Variants in CDC42BPB observed in about 807,000 individuals in gnomAD.
CDC42BPB encodes CDC42 binding protein kinase beta, also known as serine/threonine-protein kinase MRCK beta.
A neutral mutation model predicts 214.9 loss-of-function variants in CDC42BPB; 37 were observed. The ratio of observed to expected loss-of-function variants is 0.17; its 90% CI spans 0.13 to 0.23. The LOEUF is 0.23. CDC42BPB is among the 10% of genes least tolerant of loss of function. The pLI, the probability that CDC42BPB is intolerant of heterozygous loss-of-function variation, is 1.00. For missense variants in CDC42BPB, 1,694 were observed against 2,227.0 expected (o/e 0.76, Z 4.82); for synonymous variants, 931 against 884.0 (o/e 1.05, Z -0.94).
intron 1 of CDC42BPB, among the ~76,000 whole-genome samples, chr14:103,055,811 T>A (rs1187691389): frequency 6.6e-6 from 1 of 152,254 alleles, no homozygotes; most frequent in African/African-American, 2.4e-5. Flanking sequence ...GAGGCCTCAC[T>A]GTGGAACACT....
intron 7 of CDC42BPB, 58 bp from the exon 8 acceptor site, chr14:102,981,079 T>G: frequency 6.2e-7 from 1 of 1,602,274 alleles, no homozygotes; most frequent in Non-Finnish European, 8.5e-7. Flanking sequence ...GAGTTTAAGG[T>G]GTACAGATAT....
At chr14:103,015,422 G>C (rs1442834976) in intron 1 of CDC42BPB, among the ~76,000 whole-genome samples, 3 of 151,850 alleles carry the variant, frequency 2.0e-5, no homozygotes. Flanking sequence ...TGGAGGCAGA[G>C]GCTGCAGTGA....
chr14:102,955,775 GAC>G (rs1892681973), intron 21 of CDC42BPB, among the ~76,000 whole-genome samples: 1 of 152,230 alleles, frequency 6.6e-6, no homozygotes, highest in South Asian at 2.1e-4. Flanking sequence ...AGTGTGATGG[GAC>G]ACAGACATGG....
Position 102,932,593 on chromosome 14 carries a change from G to T in CDC42BPB, c.*1119C>A, listed in dbSNP as rs1041625565. The stretch of plus-strand genomic sequence containing the variant: ...TCAGTGCCGACTTGGGGAAGTGCAC[G>T]TCCTGAACAGCCTTGCCAAGCAGCC... On this transcript the variant is annotated 3_prime_UTR_variant, in exon 37 of 37. Coordinates refer to ENST00000361246, the MANE Select transcript of CDC42BPB (RefSeq NM_006035.4). The T allele has an allele frequency of 6.6e-6, 1 of 152,404 alleles. No homozygotes were observed. Among genetic ancestry groups the T allele is most frequent in the Non-Finnish European group, 1.5e-5 (1 of 68,024 alleles). The allele number at this position is 152,404 out of a possible 1,614,324, so 9.4% of individuals were successfully genotyped here.
At chr14:102,977,809 C>T (rs1212042345) in intron 9 of CDC42BPB, among the ~76,000 whole-genome samples, 2 of 152,186 alleles carry the variant, frequency 1.3e-5, no homozygotes, top group South Asian at 2.1e-4. Flanking sequence ...CCTGTTTCTG[C>T]ACCATCACGA....
chr14:102,938,621 A>G, intron 34 of CDC42BPB: 1 of 931,972 alleles, frequency 1.1e-6, no homozygotes, highest in Non-Finnish European at 1.3e-6. Flanking sequence ...TCCTATAAAA[A>G]GCGTACTTTT....
intron 19 of CDC42BPB, 31 bp from the exon 20 acceptor site, chr14:102,963,186 ACT>A: frequency 6.4e-7 from 1 of 1,565,844 alleles, no homozygotes; most frequent in Admixed American, 1.7e-5. Context: ...CTTTAAGTGC[ACT>A]GAGAAGAGGT....
rs1895131438 is a variant in CDC42BPB, at chr14:103,004,244, C to T, written c.352-221G>A. The T allele has an allele frequency of 2.5e-6, 3 of 1,206,230 alleles. No homozygotes were observed. The highest frequency in any genetic ancestry group is 2.2e-5 in the South Asian group (1 of 45,766). The allele number at this position is 1,206,230 out of a possible 1,614,324, so 74.7% of individuals were successfully genotyped here. ...AGTGCCAAGGGCTGCTGAGGAGGCA[C>T]TTGCACCCTGCTGTCCCACGGGCAC... On this transcript the variant is annotated intron_variant, in intron 3 of 36. Transcript: ENST00000361246. The surrounding 1 kb of genome is among the most constrained non-coding windows in gnomAD (Gnocchi z 5.3).
In CDC42BPB at chr14:102,946,048, G is replaced by A. The variant is rs35910378; in HGVS notation, c.3749-324C>T. On this transcript the variant is annotated intron_variant, in intron 28 of 36. Coordinates refer to ENST00000361246, the MANE Select transcript of CDC42BPB (RefSeq NM_006035.4). ...TTTTGAGACGGAGTCTCGGTCTGTC[G>A]CCCAGGCTGGAGTGCAGTGGTGTGA... 1.6e-3 allele frequency among the ~76,000 whole-genome samples: 241 copies of A among 152,076 alleles called. 2 individuals are homozygous for A. Among genetic ancestry groups the A allele is most frequent in the African/African-American group, 5.3e-3 (221 of 41,480 alleles).
chr14:102,964,870 T>C (rs1213310960), intron 18 of CDC42BPB: 7 of 589,768 alleles, frequency 1.2e-5, no homozygotes, highest in Non-Finnish European at 1.3e-5. Flanking sequence ...AATAATTTAC[T>C]TTATCTTTTA....
chr14:102,992,499 G>A (rs1437726477), intron 5 of CDC42BPB, among the ~76,000 whole-genome samples: 1 of 152,204 alleles, frequency 6.6e-6, no homozygotes, highest in Non-Finnish European at 1.5e-5. Context: ...AGAGGCAGCT[G>A]AGGAGCAGTG....
At chr14:103,052,657 T>C (rs75817380) in intron 1 of CDC42BPB, among the ~76,000 whole-genome samples, 9,698 of 152,192 alleles carry the variant, frequency 0.064, 567 homozygotes, top group African/African-American at 0.16. Context: ...GGATTAATTC[T>C]ATTCATGAAG....
chr14:103,046,075 C>T (rs531073084), intron 1 of CDC42BPB, among the ~76,000 whole-genome samples: 2 of 152,166 alleles, frequency 1.3e-5, no homozygotes, highest in East Asian at 3.9e-4. Context: ...TGAGAAGAGG[C>T]GCTCAGATCT....
At position 103,056,757 on chromosome 14, in the gene CDC42BPB, G is replaced by A. The variant is rs35979467; in HGVS notation, c.175+242C>T. ...CGGGACGATCGAACGCGGATGTCGAGCCTAGGGAGGGCAAGGAGGGATGAA... is the reference window on the plus strand; with the variant it reads ...CGGGACGATCGAACGCGGATGTCGAACCTAGGGAGGGCAAGGAGGGATGAA... On this transcript the variant is annotated intron_variant, in intron 1 of 36. Coordinates refer to ENST00000361246, the MANE Select transcript of CDC42BPB (RefSeq NM_006035.4). Among the ~76,000 whole-genome samples the A allele has an allele frequency of 2.5e-3, 382 of 152,214 alleles. 3 individuals are homozygous for A. Among genetic ancestry groups the A allele is most frequent in the African/African-American group, 9.0e-3 (373 of 41,544 alleles).
intron 1 of CDC42BPB, among the ~76,000 whole-genome samples, chr14:103,039,394 C>T (rs747923624): frequency 2.7e-5 from 4 of 149,836 alleles, no homozygotes; most frequent in Non-Finnish European, 4.4e-5. Context: ...TACTAGCAAA[C>T]GAAATTCACA....
chr14:103,024,594 A>G (rs1886946062), intron 1 of CDC42BPB, among the ~76,000 whole-genome samples: 1 of 152,206 alleles, frequency 6.6e-6, no homozygotes, highest in Admixed American at 6.5e-5. Context: ...GATTAATTCA[A>G]GCTTATAACA....
At chr14:102,940,463 C>G (rs1410425976) in intron 30 of CDC42BPB, 139 bp from the exon 31 acceptor site, 3 of 1,469,624 alleles carry the variant, frequency 2.0e-6, no homozygotes, top group Non-Finnish European at 2.7e-6. Flanking sequence ...TCACCAAAGA[C>G]TTCATGTTCC....
Position 102,965,388 on chromosome 14 carries a change from TAAAAAAAA to T in CDC42BPB, c.2578-746_2578-739del, listed in dbSNP as rs765936398. On this transcript the variant is annotated intron_variant, in intron 18 of 36. Transcript: ENST00000361246. Reference sequence around the variant, plus strand: ...GTCATTACTCATTCCTACCTGTGATTAAAAAAAAAAAAAAAAAAAAAAGACTAAAATAA... The same window carrying T: ...GTCATTACTCATTCCTACCTGTGATTAAAAAAAAAAAAAAGACTAAAATAA... Among the ~76,000 whole-genome samples, 55 of 115,278 alleles carry T rather than the reference TAAAAAAAA, an allele frequency of 4.8e-4. No individual in the cohort carries two copies. In the South Asian group the frequency reaches 8.2e-3, roughly 17 times the overall value. The allele number at this position is 115,278 out of a possible 152,430, so 75.6% of individuals were successfully genotyped here.
At chr14:102,941,159 C>T (rs1355699929) in intron 30 of CDC42BPB, 1 of 985,350 alleles carries the variant, frequency 1.0e-6, no homozygotes, top group Non-Finnish European at 1.2e-6. Flanking sequence ...ACTGCCCCCA[C>T]AGCCCCTCAG....
Sources: allele counts gnomAD v4.1 joint callset (sites outside exome capture counted in the v4.1 genomes callset), GRCh38; gene constraint gnomAD v4.1.1; non-coding constraint Gnocchi (gnomAD v3.1); transcripts MANE v1.5; gene names NCBI Gene and HGNC (gene_info 2026-07-23, HGNC 2026-07-21).